Variants in PCDHA6 observed in about 807,000 individuals in gnomAD.
PCDHA6 encodes protocadherin alpha 6.
Under a neutral mutation model 60.3 loss-of-function variants are expected in PCDHA6, and 55 were observed. The observed-to-expected ratio is 0.91, with a 90% CI of 0.73 to 1.14. The LOEUF (loss-of-function observed/expected upper bound fraction) is 1.14, where lower values mean the gene tolerates loss of function less well. Among genes scored for constraint, PCDHA6 ranks in the 50% most tolerant of loss-of-function variants. The pLI is 0.00. For missense variants in PCDHA6, 1,327 were observed against 1,256.5 expected (o/e 1.06, Z -0.85); for synonymous variants, 652 against 557.9 (o/e 1.17, Z -2.38).
Position 141,000,421 on chromosome 5 carries a change from A to ATTTTTTT in PCDHA6, c.2543-9189_2543-9183dup, listed in dbSNP as rs34755515. Among the ~76,000 whole-genome samples the ATTTTTTT allele has an allele frequency of 5.7e-4, 16 of 27,980 alleles. 1 individual carries two copies. Among genetic ancestry groups the ATTTTTTT allele is most frequent in the African/African-American group, 8.9e-4 (5 of 5,638 alleles). 18.4% of individuals were successfully genotyped at this position (27,980 alleles called of 152,430 possible). ...TATATATATATATATATATATATAT[A>ATTTTTTT]TTTTTTTTTTTTTTTTTTTTTTTGA... On this transcript the variant is annotated intron_variant, in intron 3 of 3. Coordinates refer to ENST00000529310, the MANE Select transcript of PCDHA6 (RefSeq NM_018909.4).
intron 1 of PCDHA6, among the ~76,000 whole-genome samples, chr5:140,896,282 A>G (rs1326876303): frequency 2.0e-5 from 3 of 152,224 alleles, no homozygotes; most frequent in Non-Finnish European, 4.4e-5. Context: ...GCTGGCTTGA[A>G]TGGTAAGTTC....
chr5:140,871,028 C>A (rs782198197), intron 1 of PCDHA6: 2 of 1,613,234 alleles, frequency 1.2e-6, no homozygotes, highest in Non-Finnish European at 1.7e-6. Context: ...GCAGACTCGC[C>A]GCGCCACCGA....
rs781959040 is a variant in PCDHA6 at position 140,968,057 on chromosome 5, C to A, written c.2395-10892C>A. 2.5e-6 allele frequency: 4 copies of A among 1,613,992 alleles called. 1 individual carries two copies. Among genetic ancestry groups the A allele is most frequent in the South Asian group, 2.2e-5 (2 of 91,082 alleles). ...GGTGAGCGGCCCACTGGACCGAGAGCGGGTGGCTGTCTACAACATCACGGT... is the reference window on the plus strand; with the variant it reads ...GGTGAGCGGCCCACTGGACCGAGAGAGGGTGGCTGTCTACAACATCACGGT... On this transcript the variant is annotated intron_variant, in intron 1 of 3. Transcript: ENST00000529310.
At chr5:140,963,722 T>G (rs948660694) in intron 1 of PCDHA6, among the ~76,000 whole-genome samples, 2 of 152,242 alleles carry the variant, frequency 1.3e-5, no homozygotes, top group Non-Finnish European at 2.9e-5. Flanking sequence ...ACATATAGAC[T>G]GCCAACTAAG....
At chr5:140,876,906 G>C (rs782762108) in intron 1 of PCDHA6, 10 of 1,613,910 alleles carry the variant, frequency 6.2e-6, no homozygotes, top group Middle Eastern at 3.3e-4. Flanking sequence ...TCACGGTGTC[G>C]GCATGGGACG....
chr5:140,836,615 G>T (rs2150265724), intron 1 of PCDHA6: 33 of 1,613,516 alleles, frequency 2.0e-5, no homozygotes, highest in Non-Finnish European at 4.2e-6. Context: ...GCTCCAGCGC[G>T]GTGGGGAGCT....
chr5:140,929,101 A>G (rs1554206680), intron 1 of PCDHA6: 3 of 1,614,242 alleles, frequency 1.9e-6, no homozygotes, highest in Admixed American at 1.7e-5. Flanking sequence ...AAATCCTTGC[A>G]TGACATCAGC....
At chr5:140,902,203 C>CT (rs148688132) in intron 1 of PCDHA6, among the ~76,000 whole-genome samples, 2,237 of 124,430 alleles carry the variant, frequency 0.018, 39 homozygotes, top group East Asian at 0.05. Context: ...CTCTCTCTTT[C>CT]TTTTTTTTTT....
At chr5:140,915,626 GTCTCTCTCTCTCTC>G in intron 1 of PCDHA6, among the ~76,000 whole-genome samples, 1 of 146,536 alleles carries the variant, frequency 6.8e-6, no homozygotes, top group Non-Finnish European at 1.5e-5. Flanking sequence ...GTCTCTTTCT[GTCTCTCTCTCTCTC>G]TCTCTCTCTC....
intron 1 of PCDHA6, among the ~76,000 whole-genome samples, chr5:140,832,290 A>G (rs1433191230): frequency 6.6e-6 from 1 of 152,162 alleles, no homozygotes; most frequent in African/African-American, 2.4e-5. Context: ...TGAATGGTGT[A>G]TTTGCCCACA....
intron 1 of PCDHA6, among the ~76,000 whole-genome samples, chr5:140,941,191 T>TTTTTC (rs1554213809): frequency 1.8e-4 from 17 of 93,256 alleles, no homozygotes; most frequent in Middle Eastern, 5.1e-3. Context: ...GCTTCTTTTT[T>TTTTTC]TTTCTTTCTT....
At chr5:140,863,176 A>G (rs199525571) in intron 1 of PCDHA6, 25 of 723,868 alleles carry the variant, frequency 3.5e-5, no homozygotes, top group South Asian at 2.0e-4. Flanking sequence ...GCTGACTGCC[A>G]CCGTCACCGT....
intron 1 of PCDHA6, chr5:140,856,807 T>G: frequency 6.3e-7 from 1 of 1,594,936 alleles, no homozygotes; most frequent in African/African-American, 1.3e-5. Context: ...TGTATGAAAA[T>G]CAAGTGAACC....
rs558780713 is a variant in PCDHA6, at chr5:140,870,170, T to C, written c.2394+39685T>C. ...GAAGTCGCCGTGACTTCCTTGTCCCTCCCAGTACGAGAGGACGCTCAGCCC... is the reference window on the plus strand; with the variant it reads ...GAAGTCGCCGTGACTTCCTTGTCCCCCCCAGTACGAGAGGACGCTCAGCCC... On this transcript the variant is annotated intron_variant, in intron 1 of 3. Coordinates refer to ENST00000529310, the MANE Select transcript of PCDHA6 (RefSeq NM_018909.4). 8 of 1,614,100 alleles carry C rather than the reference T, an allele frequency of 5.0e-6. No homozygotes were observed. In the Admixed American group the frequency reaches 1.0e-4, roughly 20 times the overall value.
Position 140,834,581 on chromosome 5 carries a change from G to A in PCDHA6, c.2394+4096G>A, listed in dbSNP as rs1554134342. On this transcript the variant is annotated intron_variant, in intron 1 of 3. Coordinates refer to ENST00000529310, the MANE Select transcript of PCDHA6 (RefSeq NM_018909.4). The stretch of plus-strand genomic sequence containing the variant: ...AGCTGGTGCCGCGCCTGTTCCGGGC[G>A]GTGTGCAAATTCCGTGGGGATCTTC... The A allele has an allele frequency of 3.1e-6, 5 of 1,614,006 alleles. No individual in the cohort carries two copies. In the East Asian group the frequency reaches 6.7e-5, roughly 22 times the overall value.
chr5:140,926,936 G>A, intron 1 of PCDHA6: 1 of 1,580,648 alleles, frequency 6.3e-7, no homozygotes, highest in Non-Finnish European at 8.6e-7. Context: ...TGGGTTTCCT[G>A]CGGCGCTGCA....
rs2150203644 is a variant in PCDHA6, at chr5:140,832,732, A to G, written c.2394+2247A>G. Among the ~76,000 whole-genome samples the G allele has an allele frequency of 1.6e-4, 25 of 152,362 alleles. No individual in the cohort carries two copies. In the East Asian group the frequency reaches 4.4e-3, roughly 27 times the overall value. On this transcript the variant is annotated intron_variant, in intron 1 of 3. Coordinates refer to ENST00000529310, the MANE Select transcript of PCDHA6 (RefSeq NM_018909.4). ...ATAGATAAATAAAGGTAAGTATCCT[A>G]CATAAATACGATGATAGTAAAAGCA...
At chr5:140,894,808 A>G (rs541905033) in intron 1 of PCDHA6, among the ~76,000 whole-genome samples, 2 of 152,096 alleles carry the variant, frequency 1.3e-5, no homozygotes, top group African/African-American at 4.8e-5. Flanking sequence ...AAATAATTTT[A>G]TATCAGATTT....
intron 1 of PCDHA6, among the ~76,000 whole-genome samples, chr5:140,844,762 T>C (rs1779533544): frequency 6.7e-6 from 1 of 149,418 alleles, no homozygotes; most frequent in Non-Finnish European, 1.5e-5. Context: ...CTTTGAAAAA[T>C]CCAAGATACT....
Sources: gnomAD v4.1 joint callset for allele counts (sites outside exome capture counted in the v4.1 genomes callset) on GRCh38, gnomAD v4.1.1 for gene constraint, MANE v1.5 for transcripts, NCBI Gene and HGNC (gene_info 2026-07-23, HGNC 2026-07-21) for gene names.